Variants in TAOK3 observed in about 807,000 individuals in gnomAD.
The protein encoded by TAOK3 is serine/threonine-protein kinase TAO3.
Under a neutral mutation model 120.4 loss-of-function variants are expected in TAOK3, and 40 were observed. The observed-to-expected ratio is 0.33, with a 90% CI of 0.26 to 0.43. TAOK3 has a LOEUF of 0.43. Among genes scored for constraint, TAOK3 ranks in the 20% least tolerant of loss-of-function variants. The pLI is 1.00. For synonymous variants in TAOK3, 355 were observed against 387.5 expected, an observed-to-expected ratio of 0.92 and a Z score of 0.99; for missense variants, 821 against 1,112.1, an observed-to-expected ratio of 0.74 and a Z score of 3.72.
At chr12:118,254,220 A>G (rs1440982974) in intron 3 of TAOK3, among the ~76,000 whole-genome samples, 1 of 152,172 alleles carries the variant, frequency 6.6e-6, no homozygotes, top group African/African-American at 2.4e-5. Context: ...AAACGAAAAT[A>G]CTGACTTGAC....
intron 9 of TAOK3, among the ~76,000 whole-genome samples, chr12:118,214,568 T>C (rs1593180565): frequency 6.6e-6 from 1 of 150,972 alleles, no homozygotes; most frequent in South Asian, 2.1e-4. Context: ...AAGATTACTA[T>C]AAAATGCAAC....
intron 1 of TAOK3, among the ~76,000 whole-genome samples, chr12:118,333,213 C>T (rs570265049): frequency 5.3e-5 from 8 of 152,186 alleles, no homozygotes; most frequent in African/African-American, 1.9e-4. Flanking sequence ...GAATATTCAC[C>T]AAAATAAAGC....
intron 13 of TAOK3, among the ~76,000 whole-genome samples, chr12:118,194,616 T>C (rs575207924): frequency 2.5e-4 from 38 of 149,546 alleles, no homozygotes; most frequent in South Asian, 1.1e-3. Flanking sequence ...ACATTTCTTT[T>C]TTTTTTTTTT....
At chr12:118,305,904 C>CAAAAAAAA (rs71450271) in intron 1 of TAOK3, among the ~76,000 whole-genome samples, 1 of 58,384 alleles carries the variant, frequency 1.7e-5, no homozygotes, top group Non-Finnish European at 4.0e-5. Flanking sequence ...GACTCCGTCT[C>CAAAAAAAA]AAAAAAAAAA....
intron 3 of TAOK3, chr12:118,246,254 T>G: frequency 2.7e-6 from 4 of 1,477,048 alleles, no homozygotes; most frequent in South Asian, 2.3e-5. Context: ...AGGCCGAGGA[T>G]AAGGAGTGGA....
chr12:118,169,369 C>T (rs570458683), intron 17 of TAOK3, among the ~76,000 whole-genome samples: 20 of 129,368 alleles, frequency 1.5e-4, no homozygotes, highest in Admixed American at 7.3e-4. Context: ...CAGGTTGGAA[C>T]GCAATGGCAT....
intron 3 of TAOK3, chr12:118,246,494 C>G (rs11543114): frequency 2.6e-6 from 4 of 1,557,538 alleles, no homozygotes; most frequent in South Asian, 1.1e-5. Flanking sequence ...ATGGCCACGT[C>G]GGTCTGGGTG....
chr12:118,316,201 C>G (rs559992285), intron 1 of TAOK3, among the ~76,000 whole-genome samples: 15 of 152,252 alleles, frequency 9.9e-5, no homozygotes, highest in African/African-American at 3.6e-4. Context: ...GAAAAGGAAT[C>G]TAAAAAATGG....
intron 14 of TAOK3, among the ~76,000 whole-genome samples, chr12:118,184,146 C>T (rs2036934789): frequency 6.6e-6 from 1 of 152,194 alleles, no homozygotes; most frequent in South Asian, 2.1e-4. Context: ...CTTTTGAATG[C>T]TTCCCATAAT....
At chr12:118,232,717 C>A (rs989977257) in intron 9 of TAOK3, among the ~76,000 whole-genome samples, 1 of 151,986 alleles carries the variant, frequency 6.6e-6, no homozygotes, top group Non-Finnish European at 1.5e-5. Context: ...ACCAGCCTGG[C>A]CAACACAGCA....
intron 1 of TAOK3, among the ~76,000 whole-genome samples, chr12:118,307,180 C>T (rs1021249705): frequency 2.1e-4 from 32 of 152,112 alleles, no homozygotes; most frequent in Admixed American, 8.5e-4. Flanking sequence ...GTTTTGAGCA[C>T]GGTTTTTTAC....
rs1353848789 is a variant in TAOK3, at chr12:118,217,811, G to GTGTGTGTATATA, written c.644-3702_644-3701insTATATACACACA. Reference sequence around the variant, plus strand: ...TGTATGTATGTATGTGTGTGTGTGTGTATACATATATATATATATATATAT... The same window carrying GTGTGTGTATATA: ...TGTATGTATGTATGTGTGTGTGTGTGTGTGTGTATATATATACATATATATATATATATATAT... On this transcript the variant is annotated intron_variant, in intron 9 of 20. Transcript: ENST00000392533. Among the ~76,000 whole-genome samples the GTGTGTGTATATA allele has an allele frequency of 1.3e-3, 98 of 75,370 alleles. 17 individuals are homozygous for GTGTGTGTATATA. The highest frequency in any genetic ancestry group is 1.7e-3 in the Non-Finnish European group (65 of 38,904). 49.4% of individuals were successfully genotyped at this position (75,370 alleles called of 152,430 possible). A position where few individuals can be genotyped will look rare whatever the true frequency, so the allele number is the denominator to read the frequency against.
chr12:118,150,826 CT>C lies in TAOK3; in HGVS notation c.*170del. Reference sequence around the variant, plus strand: ...TGACACGGGGGGAGGAAGGGGGCCCCTGATGGAGTAAGAATAAACAGGCACT... The same window carrying C: ...TGACACGGGGGGAGGAAGGGGGCCCCGATGGAGTAAGAATAAACAGGCACT... On this transcript the variant is annotated 3_prime_UTR_variant, in exon 21 of 21. Coordinates refer to ENST00000392533, the MANE Select transcript of TAOK3 (RefSeq NM_016281.4). 1 of 758,428 alleles carries C rather than the reference CT, an allele frequency of 1.3e-6. No individual in the cohort carries two copies. The highest frequency in any genetic ancestry group is 1.8e-5 in the African/African-American group (1 of 56,910). 47.0% of individuals were successfully genotyped at this position (758,428 alleles called of 1,614,324 possible). A position where few individuals can be genotyped will look rare whatever the true frequency, so the allele number is the denominator to read the frequency against.
intron 1 of TAOK3, among the ~76,000 whole-genome samples, chr12:118,351,906 C>T (rs2045180417): frequency 1.5e-5 from 2 of 132,760 alleles, no homozygotes; most frequent in Admixed American, 8.7e-5. Context: ...CGGAGTCTCC[C>T]TCTTTCACCC....
In TAOK3 at chr12:118,372,177, G is replaced by A. The variant is rs960424560; in HGVS notation, c.-194+471C>T. Among the ~76,000 whole-genome samples, 6 of 138,744 alleles carry A rather than the reference G, an allele frequency of 4.3e-5. No homozygotes were observed. Among genetic ancestry groups the A allele is most frequent in the African/African-American group, 1.6e-4 (6 of 36,384 alleles). The allele number at this position is 138,744 out of a possible 152,430, so 91.0% of individuals were successfully genotyped here. The stretch of plus-strand genomic sequence containing the variant: ...CCTCACCTCGGGGTCTCCTCTCCCC[G>A]GGTGCTGTCCCAGCCCCTCTCGGGG... On this transcript the variant is annotated intron_variant, in intron 1 of 20. Coordinates refer to ENST00000392533, the MANE Select transcript of TAOK3 (RefSeq NM_016281.4). The surrounding 1 kb of genome is among the most constrained non-coding windows in gnomAD (Gnocchi z 4.6).
intron 9 of TAOK3, among the ~76,000 whole-genome samples, chr12:118,224,510 T>C (rs1158144624): frequency 6.6e-6 from 1 of 152,234 alleles, no homozygotes. Context: ...TATTTGCCAG[T>C]TTCTACCATA....
intron 14 of TAOK3, among the ~76,000 whole-genome samples, chr12:118,184,862 GT>G (rs1200531380): frequency 9.9e-5 from 15 of 152,142 alleles, no homozygotes; most frequent in Admixed American, 6.5e-5. Context: ...ACCTCTTAAA[GT>G]CTCTCAGTTT....
At chr12:118,318,386 G>C (rs1031074856) in intron 1 of TAOK3, among the ~76,000 whole-genome samples, 5 of 152,056 alleles carry the variant, frequency 3.3e-5, no homozygotes, top group South Asian at 2.1e-4. Context: ...TCGATTTCTA[G>C]ACCTCGTGAT....
At chr12:118,294,980 G>A (rs1024640663) in intron 1 of TAOK3, among the ~76,000 whole-genome samples, 2 of 152,150 alleles carry the variant, frequency 1.3e-5, no homozygotes, top group Non-Finnish European at 2.9e-5. Flanking sequence ...TGGACGCACT[G>A]AGTTGTATGC....
Sources: gnomAD v4.1 joint callset for allele counts (sites outside exome capture counted in the v4.1 genomes callset) on GRCh38, gnomAD v4.1.1 for gene constraint, Gnocchi (gnomAD v3.1) non-coding constraint, MANE v1.5 for transcripts, NCBI Gene and HGNC (gene_info 2026-07-23, HGNC 2026-07-21) for gene names.